The following RANBP17 variants were observed in gnomAD, a reference collection of about 807,000 sequenced individuals.
RANBP17 encodes the protein RAN binding protein 17, also known as ran-binding protein 17.
RANBP17 carries 158 observed loss-of-function variants against 141.2 expected under a neutral mutation model. The observed-to-expected ratio is 1.12, with a 90% CI of 0.98 to 1.28. The LOEUF (loss-of-function observed/expected upper bound fraction) is 1.28. Ranked by LOEUF, RANBP17 falls within the 50% of genes most tolerant of loss-of-function variation. The pLI, the probability that RANBP17 is intolerant of heterozygous loss-of-function variation, is 0.00. For missense variants in RANBP17, 1,438 were observed against 1,290.7 expected, an observed-to-expected ratio of 1.11 and a Z score of -1.75; for synonymous variants, 430 against 450.0, an observed-to-expected ratio of 0.96 and a Z score of 0.56.
At chr5:171,000,489 T>G (rs1779125613) in intron 14 of RANBP17, among the ~76,000 whole-genome samples, 1 of 152,220 alleles carries the variant, frequency 6.6e-6, no homozygotes, top group Non-Finnish European at 1.5e-5. Flanking sequence ...CTTTTTAACT[T>G]GAAAGGTCTT....
intron 14 of RANBP17, among the ~76,000 whole-genome samples, chr5:171,032,894 T>C (rs1562006307): frequency 6.6e-6 from 1 of 152,162 alleles, no homozygotes; most frequent in African/African-American, 2.4e-5. Context: ...GGTTGAAACT[T>C]ATGAGGAAAA....
chr5:171,269,996 A>G (rs889348587), intron 25 of RANBP17, among the ~76,000 whole-genome samples: 1 of 152,162 alleles, frequency 6.6e-6, no homozygotes, highest in African/African-American at 2.4e-5. Flanking sequence ...ACCTGGTCCT[A>G]TTTTGCTGGA....
chr5:171,279,746 C>T (rs1351045217), intron 25 of RANBP17, among the ~76,000 whole-genome samples: 1 of 151,858 alleles, frequency 6.6e-6, no homozygotes, highest in Non-Finnish European at 1.5e-5. Context: ...GGTACATCAA[C>T]AAATTTAATC....
chr5:171,298,652 C>T (rs1391226024), intron 27 of RANBP17, 110 bp from the exon 28 acceptor site: 3 of 705,096 alleles, frequency 4.3e-6, no homozygotes, highest in Non-Finnish European at 7.3e-6. Flanking sequence ...GAGCCGTCCT[C>T]CAGGAGGGGG....
chr5:171,287,937 C>G (rs1438514086), intron 25 of RANBP17, among the ~76,000 whole-genome samples: 1 of 152,030 alleles, frequency 6.6e-6, no homozygotes, highest in Admixed American at 6.6e-5. Context: ...TTTCTTAGAA[C>G]TTTATGGAAT....
chr5:171,235,331 T>G (rs892706991), intron 22 of RANBP17, among the ~76,000 whole-genome samples: 2 of 151,460 alleles, frequency 1.3e-5, no homozygotes, highest in Non-Finnish European at 3.0e-5. Flanking sequence ...TCTTTTTTTT[T>G]TTTTTTTCAT....
At chr5:171,202,007 T>C (rs1762325571) in intron 19 of RANBP17, among the ~76,000 whole-genome samples, 1 of 152,204 alleles carries the variant, frequency 6.6e-6, no homozygotes, top group African/African-American at 2.4e-5. Flanking sequence ...TTCATTTAAT[T>C]TGCACCTCTT....
At chr5:171,224,408 C>G (rs1213368295) in intron 22 of RANBP17, among the ~76,000 whole-genome samples, 1 of 152,008 alleles carries the variant, frequency 6.6e-6, no homozygotes, top group East Asian at 1.9e-4. Flanking sequence ...TTTACTGTTG[C>G]ACTAGGGCTG....
At chr5:171,060,766 G>GA (rs1285864461) in intron 14 of RANBP17, among the ~76,000 whole-genome samples, 1 of 152,038 alleles carries the variant, frequency 6.6e-6, no homozygotes, top group African/African-American at 2.4e-5. Flanking sequence ...ACCTCTGGTA[G>GA]AATTCGGCTG....
chr5:170,881,024 A>G (rs1382037116), intron 2 of RANBP17, among the ~76,000 whole-genome samples: 1 of 152,230 alleles, frequency 6.6e-6, no homozygotes, highest in Non-Finnish European at 1.5e-5. Context: ...GTGTAAATGA[A>G]TGAGCATGGC....
chr5:171,140,250 A>G (rs965725921), intron 14 of RANBP17, among the ~76,000 whole-genome samples: 1 of 152,198 alleles, frequency 6.6e-6, no homozygotes, highest in Non-Finnish European at 1.5e-5. Context: ...TTATTAAATT[A>G]ATATCTGTCT....
intron 12 of RANBP17, among the ~76,000 whole-genome samples, chr5:170,929,216 C>A (rs373620705): frequency 3.9e-5 from 6 of 151,956 alleles, no homozygotes; most frequent in African/African-American, 1.4e-4. Flanking sequence ...AGTCTCCATG[C>A]CTTTTGTTTA....
At chr5:171,006,490 G>A (rs577717733) in intron 14 of RANBP17, among the ~76,000 whole-genome samples, 46 of 152,122 alleles carry the variant, frequency 3.0e-4, no homozygotes, top group Admixed American at 1.0e-3. Flanking sequence ...GCAAACTATC[G>A]CAAGGACAAA....
chr5:170,892,695 T>A, intron 4 of RANBP17, 142 bp downstream of exon 4: 1 of 634,394 alleles, frequency 1.6e-6, no homozygotes, highest in Non-Finnish European at 2.6e-6. Flanking sequence ...CTCTGGATCC[T>A]TTATCATTTA....
intron 14 of RANBP17, among the ~76,000 whole-genome samples, chr5:171,033,426 G>A (rs1267494275): frequency 6.6e-6 from 1 of 152,062 alleles, no homozygotes; most frequent in Non-Finnish European, 1.5e-5. Context: ...TATTAAAGAA[G>A]AAAATCCTAC....
chr5:171,054,425 T>TTAGCAAG (rs1273191564), intron 14 of RANBP17, among the ~76,000 whole-genome samples: 8 of 152,304 alleles, frequency 5.3e-5, no homozygotes, highest in African/African-American at 1.9e-4. Flanking sequence ...CCTCCCCCAT[T>TTAGCAAG]TTAGACCATA....
intron 25 of RANBP17, among the ~76,000 whole-genome samples, chr5:171,270,278 T>C (rs574341566): frequency 2.6e-5 from 4 of 152,358 alleles, no homozygotes; most frequent in African/African-American, 9.6e-5. Context: ...ACTCTAACTT[T>C]GCAAGCATTA....
rs550475980 is a variant in RANBP17, at chr5:170,956,752, T to C, written c.1574+3050T>C. 2.0e-5 allele frequency among the ~76,000 whole-genome samples: 3 copies of C among 149,236 alleles called. No individual in the cohort carries two copies. The South Asian group carries it at 6.5e-4, about 32-fold the overall frequency. ...GGCGTGAGCAACTGTGCCCAGCTGA[T>C]TTTTTTTTAAGTTTAATCATCAAGC... On this transcript the variant is annotated intron_variant, in intron 13 of 27. Transcript: ENST00000523189.
At chr5:170,945,180 T>C (rs2127482459) in intron 12 of RANBP17, among the ~76,000 whole-genome samples, 1 of 152,304 alleles carries the variant, frequency 6.6e-6, no homozygotes, top group East Asian at 1.9e-4. Flanking sequence ...ACTAACAGCA[T>C]TAGAAAGTGT....
Sources: gnomAD v4.1 joint callset for allele counts (sites outside exome capture counted in the v4.1 genomes callset) on GRCh38, gnomAD v4.1.1 for gene constraint, MANE v1.5 for transcripts, NCBI Gene and HGNC (gene_info 2026-07-23, HGNC 2026-07-21) for gene names.